ARID3B: variants seen among roughly 807,000 people sequenced by gnomAD.
ARID3B encodes AT-rich interaction domain 3B.
Under a neutral mutation model 51.9 loss-of-function variants are expected in ARID3B, and 10 were observed. The ratio of observed to expected loss-of-function variants is 0.19; its 90% confidence interval spans 0.12 to 0.33. The LOEUF (loss-of-function observed/expected upper bound fraction) is 0.33. ARID3B is among the 10% of genes least tolerant of loss of function. The pLI is 1.00. For synonymous variants in ARID3B, 205 were observed against 279.5 expected (o/e 0.73, Z 2.66); for missense variants, 483 against 716.3 (o/e 0.67, Z 3.72).
chr15:74,593,298 C>A, intron 8 of ARID3B, 62 bp downstream of exon 8: 1 of 1,472,108 alleles, frequency 6.8e-7, no homozygotes, highest in Non-Finnish European at 9.3e-7. Flanking sequence ...GGCAGCTCTG[C>A]GGCTGGCCCT....
At chr15:74,574,493 C>T (rs2061730263) in intron 4 of ARID3B, 1 of 152,228 alleles carries the variant, frequency 6.6e-6, no homozygotes, top group Admixed American at 6.5e-5. Context: ...TTCTCTCTCT[C>T]TCTATTTCCC....
Position 74,579,032 on chromosome 15 carries a change from C to G in ARID3B, c.697+5828C>G, listed in dbSNP as rs1035077931. On this transcript the variant is annotated intron_variant, in intron 4 of 8. Transcript: ENST00000346246. ...AGAGGGGCCAGCAGCTTTGACACAG[C>G]AGGCTGTGCCCACAGAGGAAGCAGA... 3.3e-5 allele frequency among the ~76,000 whole-genome samples: 5 copies of G among 152,372 alleles called. No homozygotes were observed. The South Asian group carries it at 1.0e-3, about 32-fold the overall frequency.
intron 2 of ARID3B, among the ~76,000 whole-genome samples, chr15:74,571,182 G>C (rs2061717888): frequency 6.6e-6 from 1 of 152,228 alleles, no homozygotes; most frequent in South Asian, 2.1e-4. Context: ...AATAGGGGAA[G>C]CAAAGTTGGC....
chr15:74,565,853 C>T (rs1028559807), intron 2 of ARID3B, among the ~76,000 whole-genome samples: 1 of 152,008 alleles, frequency 6.6e-6, no homozygotes, highest in Non-Finnish European at 1.5e-5. Flanking sequence ...AAGCCATTGG[C>T]TTCTCCTGCT....
At chr15:74,595,282 C>T (rs1188124944) in intron 8 of ARID3B, among the ~76,000 whole-genome samples, 1 of 152,198 alleles carries the variant, frequency 6.6e-6, no homozygotes. Context: ...GAGCTATTCT[C>T]CTGCCTCACC....
chr15:74,570,879 CT>C (rs2061716906), intron 2 of ARID3B, among the ~76,000 whole-genome samples: 1 of 152,098 alleles, frequency 6.6e-6, no homozygotes. Context: ...TGAGCTTTAA[CT>C]TTTTTTTCTT....
At chr15:74,573,301 C>CCTGG in intron 4 of ARID3B, 97 bp downstream of exon 4, 2 of 1,330,490 alleles carry the variant, frequency 1.5e-6, no homozygotes, top group South Asian at 1.2e-5. Context: ...CACTAATCCT[C>CCTGG]ATCCAGGAGG....
chr15:74,566,021 G>T (rs1172449084), intron 2 of ARID3B, among the ~76,000 whole-genome samples: 2 of 152,068 alleles, frequency 1.3e-5, no homozygotes, highest in Non-Finnish European at 2.9e-5. Flanking sequence ...CTCACTATAA[G>T]AATTCAGATT....
intron 4 of ARID3B, among the ~76,000 whole-genome samples, chr15:74,586,759 G>T (rs1291606852): frequency 6.6e-6 from 1 of 152,244 alleles, no homozygotes; most frequent in Non-Finnish European, 1.5e-5. Flanking sequence ...CATGGTAAAG[G>T]AAAGACAACC....
At chr15:74,551,039 T>C (rs1453183732) in intron 2 of ARID3B, among the ~76,000 whole-genome samples, 1 of 152,228 alleles carries the variant, frequency 6.6e-6, no homozygotes, top group Non-Finnish European at 1.5e-5. Context: ...TGCAGTCAGC[T>C]CTGTGGAACC....
rs1343472834 is a variant in ARID3B, at chr15:74,550,649, G to A, written c.552+6161G>A. On this transcript the variant is annotated intron_variant, in intron 2 of 8. Transcript: ENST00000346246. Reference sequence around the variant, plus strand: ...ATGAACCCGGGAGGCAGAACTTGCAGTAAGCTGAGATCACACCACTGCACT... The same window carrying A: ...ATGAACCCGGGAGGCAGAACTTGCAATAAGCTGAGATCACACCACTGCACT... Among the ~76,000 whole-genome samples, 3 of 151,748 alleles carry A rather than the reference G, an allele frequency of 2.0e-5. No individual in the cohort carries two copies. The East Asian group carries it at 5.8e-4, about 29-fold the overall frequency.
chr15:74,545,921 C>A lies in ARID3B; in HGVS notation c.552+1433C>A, dbSNP rs79265781. 2.9e-4 allele frequency among the ~76,000 whole-genome samples: 44 copies of A among 152,298 alleles called. No homozygotes were observed. The East Asian group carries it at 7.9e-3, about 27-fold the overall frequency. On this transcript the variant is annotated intron_variant, in intron 2 of 8. Coordinates refer to ENST00000346246, the MANE Select transcript of ARID3B (RefSeq NM_006465.4). ...CTCATCTGTGAAATAAAAAGAGTGC[C>A]ACTGCCTCCCATGGATGTTGTAAGG...
At chr15:74,582,194 G>A (rs2061764367) in intron 4 of ARID3B, among the ~76,000 whole-genome samples, 1 of 150,818 alleles carries the variant, frequency 6.6e-6, no homozygotes, top group Non-Finnish European at 1.5e-5. Context: ...TTGAGACAGA[G>A]TCTCACTCTG....
In ARID3B at chr15:74,544,109, G is replaced by A; in HGVS notation, c.173G>A (p.Gly58Glu). Residue 58 changes from glycine (G) to glutamate (E), a missense_variant, in exon 2 of 9, where the codon GGG becomes GAG. Coordinates refer to ENST00000346246, the MANE Select transcript of ARID3B (RefSeq NM_006465.4). ...TQPTLLSATA[G>E]RPSGSTPLGP... ...CCGACTCTCCTTTCCGCCACAGCTG[G>A]GAGACCTTCTGGCAGCACTCCCTTA... The A allele has an allele frequency of 6.2e-7, 1 of 1,613,970 alleles. No homozygotes were observed. Among genetic ancestry groups the A allele is most frequent in the Non-Finnish European group, 8.5e-7 (1 of 1,179,870 alleles).
intron 4 of ARID3B, among the ~76,000 whole-genome samples, chr15:74,579,790 G>A (rs1043821167): frequency 8.0e-5 from 12 of 150,682 alleles, no homozygotes; most frequent in African/African-American, 2.9e-4. Flanking sequence ...GACTGGTTAG[G>A]TTTAGAACTC....
chr15:74,550,535 A>G (rs1256597328), intron 2 of ARID3B, among the ~76,000 whole-genome samples: 1 of 151,648 alleles, frequency 6.6e-6, no homozygotes, highest in African/African-American at 2.4e-5. Context: ...CGTCTCTACT[A>G]AAAATACAAA....
In ARID3B at chr15:74,560,165, A is replaced by T. The variant is rs546942309; in HGVS notation, c.553-12697A>T. On this transcript the variant is annotated intron_variant, in intron 2 of 8. Transcript: ENST00000346246. ...GATTGCAGTGAGCCACGATTGCACCACTGCACTCCAGCCTGGGCAACAGAG... is the reference window on the plus strand; with the variant it reads ...GATTGCAGTGAGCCACGATTGCACCTCTGCACTCCAGCCTGGGCAACAGAG... Among the ~76,000 whole-genome samples, 3 of 151,634 alleles carry T rather than the reference A, an allele frequency of 2.0e-5. No individual in the cohort carries two copies. The East Asian group carries it at 5.8e-4, about 29-fold the overall frequency.
At chr15:74,568,066 G>A (rs951280560) in intron 2 of ARID3B, among the ~76,000 whole-genome samples, 2 of 152,138 alleles carry the variant, frequency 1.3e-5, no homozygotes, top group African/African-American at 2.4e-5. Flanking sequence ...GGGAAGATGG[G>A]CCCATTCTAC....
At chr15:74,570,436 G>C (rs1247556806) in intron 2 of ARID3B, among the ~76,000 whole-genome samples, 1 of 120,392 alleles carries the variant, frequency 8.3e-6, no homozygotes, top group South Asian at 2.8e-4. Context: ...TGAGCATTCA[G>C]AGTGCTTGGA....
Sources: gnomAD v4.1 joint callset for allele counts (sites outside exome capture counted in the v4.1 genomes callset) on GRCh38, gnomAD v4.1.1 for gene constraint, MANE v1.5 for transcripts, NCBI Gene and HGNC (gene_info 2026-07-23, HGNC 2026-07-21) for gene names.